Variants in NRG3 observed in about 807,000 individuals in gnomAD.
The protein encoded by NRG3 is neuregulin 3, also known as pro-neuregulin-3, membrane-bound isoform.
NRG3 carries 31 observed loss-of-function variants against 66.9 expected under a neutral mutation model. That is an observed-to-expected ratio of 0.46 (90% CI 0.35 to 0.63). The LOEUF (loss-of-function observed/expected upper bound fraction) is 0.63. Ranked by LOEUF, NRG3 falls within the 20% of genes least tolerant of loss-of-function variation. The pLI, the probability that NRG3 is intolerant of heterozygous loss-of-function variation, is 0.00. For missense variants in NRG3, 910 were observed against 878.9 expected, an observed-to-expected ratio of 1.04 and a Z score of -0.45; for synonymous variants, 393 against 359.4, an observed-to-expected ratio of 1.09 and a Z score of -1.06.
intron 1 of NRG3, among the ~76,000 whole-genome samples, chr10:82,107,656 C>T (rs1352430712): frequency 2.0e-5 from 3 of 152,190 alleles, no homozygotes; most frequent in Non-Finnish European, 2.9e-5. Context: ...AGAAAATAAA[C>T]TGTATGATCA....
At chr10:82,651,215 G>A (rs777469713) in intron 2 of NRG3, among the ~76,000 whole-genome samples, 1 of 152,300 alleles carries the variant, frequency 6.6e-6, no homozygotes, top group African/African-American at 2.4e-5. Context: ...AGTGGGAGTC[G>A]AGAACAGGAA....
chr10:82,311,540 C>G (rs1223768031), intron 1 of NRG3, among the ~76,000 whole-genome samples: 1 of 152,010 alleles, frequency 6.6e-6, no homozygotes, highest in Non-Finnish European at 1.5e-5. Context: ...AAATAAAAAA[C>G]CGAATAGCAA....
chr10:82,374,029 C>T (rs554143282), intron 2 of NRG3, among the ~76,000 whole-genome samples: 11 of 152,142 alleles, frequency 7.2e-5, no homozygotes, highest in Non-Finnish European at 1.6e-4. Context: ...TTCATCTGTG[C>T]TTCCGGAACC....
intron 2 of NRG3, among the ~76,000 whole-genome samples, chr10:82,518,777 T>C (rs1317638542): frequency 6.6e-6 from 1 of 152,122 alleles, no homozygotes. Flanking sequence ...ATTTGTTGGA[T>C]TGATCCTTGA....
chr10:82,065,979 A>G (rs935490022), intron 1 of NRG3, among the ~76,000 whole-genome samples: 7 of 152,170 alleles, frequency 4.6e-5, no homozygotes, highest in Non-Finnish European at 8.8e-5. Context: ...TTCCATTGCT[A>G]TCATCATTTT....
rs2061218024 is a variant in NRG3, at chr10:82,002,641, G to A, written c.823+126478G>A. Among the ~76,000 whole-genome samples the A allele has an allele frequency of 3.3e-5, 5 of 152,120 alleles. No homozygotes were observed. The South Asian group carries it at 1.0e-3, about 32-fold the overall frequency. ...TTCTGCTGTCTAGGTCCCATGCTTGGCGTAGTGTGGATAATAATGTTAAAT... is the reference window on the plus strand; with the variant it reads ...TTCTGCTGTCTAGGTCCCATGCTTGACGTAGTGTGGATAATAATGTTAAAT... On this transcript the variant is annotated intron_variant, in intron 1 of 8. Coordinates refer to ENST00000372141, the MANE Select transcript of NRG3 (RefSeq NM_001010848.4).
At chr10:82,802,306 A>G (rs2061075452) in intron 3 of NRG3, among the ~76,000 whole-genome samples, 1 of 152,118 alleles carries the variant, frequency 6.6e-6, no homozygotes, top group South Asian at 2.1e-4. Context: ...GTCAGGGGAG[A>G]GTGGATATTA....
rs1457713695 is a variant in NRG3 at position 82,191,384 on chromosome 10, A to T, written c.824-167355A>T. 2.0e-5 allele frequency among the ~76,000 whole-genome samples: 3 copies of T among 152,282 alleles called. No individual in the cohort carries two copies. In the South Asian group the frequency reaches 6.2e-4, roughly 32 times the overall value. ...CAGTGGTGCTTTCATGATAAGTCTA[A>T]GAATCCTTGGCCAATTATGTATAAA... On this transcript the variant is annotated intron_variant, in intron 1 of 8. Transcript: ENST00000372141.
chr10:82,800,192 C>A (rs1389291593), intron 3 of NRG3, among the ~76,000 whole-genome samples: 1 of 152,180 alleles, frequency 6.6e-6, no homozygotes, highest in Non-Finnish European at 1.5e-5. Context: ...ACTATATTTG[C>A]TAGCTATCTG....
chr10:81,996,645 T>G (rs2060950090), intron 1 of NRG3, among the ~76,000 whole-genome samples: 1 of 152,056 alleles, frequency 6.6e-6, no homozygotes, highest in Admixed American at 6.6e-5. Flanking sequence ...TGAATTCATA[T>G]GCTTACAGAG....
At chr10:82,221,410 C>T (rs1028251120) in intron 1 of NRG3, among the ~76,000 whole-genome samples, 1 of 152,144 alleles carries the variant, frequency 6.6e-6, no homozygotes, top group Non-Finnish European at 1.5e-5. Flanking sequence ...AGCCTTCCAG[C>T]CCCCCTCCAT....
intron 3 of NRG3, among the ~76,000 whole-genome samples, chr10:82,816,980 A>G (rs575937738): frequency 1.2e-4 from 18 of 152,370 alleles, no homozygotes; most frequent in African/African-American, 3.1e-4. Context: ...CCTCTACTAG[A>G]AAGTAACAAA....
At chr10:82,606,691 G>A (rs1170712179) in intron 2 of NRG3, among the ~76,000 whole-genome samples, 1 of 152,106 alleles carries the variant, frequency 6.6e-6, no homozygotes. Context: ...CCCTGCAGCT[G>A]CTGCATAACC....
At chr10:81,924,086 A>G (rs1423502641) in intron 1 of NRG3, among the ~76,000 whole-genome samples, 1 of 152,186 alleles carries the variant, frequency 6.6e-6, no homozygotes, top group Non-Finnish European at 1.5e-5. Flanking sequence ...TGGGATTAGT[A>G]GAGAGAAGTA....
chr10:82,190,224 A>G (rs925917879), intron 1 of NRG3, among the ~76,000 whole-genome samples: 3 of 152,108 alleles, frequency 2.0e-5, no homozygotes, highest in South Asian at 4.1e-4. Flanking sequence ...AGCTTATCAC[A>G]TTGCCTGTCA....
intron 2 of NRG3, among the ~76,000 whole-genome samples, chr10:82,731,853 A>G (rs1038270569): frequency 3.9e-5 from 6 of 152,172 alleles, no homozygotes; most frequent in Non-Finnish European, 8.8e-5. Flanking sequence ...TCACCATTCT[A>G]TGTTCCATAA....
intron 2 of NRG3, among the ~76,000 whole-genome samples, chr10:82,606,349 T>C (rs2047960631): frequency 6.6e-6 from 1 of 152,166 alleles, no homozygotes; most frequent in Non-Finnish European, 1.5e-5. Flanking sequence ...TTTACTGATT[T>C]TCAATTTAAT....
chr10:82,027,215 T>C (rs1026382541), intron 1 of NRG3, among the ~76,000 whole-genome samples: 2 of 152,088 alleles, frequency 1.3e-5, no homozygotes, highest in Non-Finnish European at 2.9e-5. Context: ...ACATTTTACA[T>C]AGGAATATGC....
At chr10:82,601,093 C>T (rs1188355568) in intron 2 of NRG3, among the ~76,000 whole-genome samples, 1 of 152,198 alleles carries the variant, frequency 6.6e-6, no homozygotes, top group Admixed American at 6.5e-5. Flanking sequence ...TAACCTTCAG[C>T]TGCATCCATG....
Sources: allele counts gnomAD v4.1 joint callset (sites outside exome capture counted in the v4.1 genomes callset), GRCh38; gene constraint gnomAD v4.1.1; transcripts MANE v1.5; gene names NCBI Gene and HGNC (gene_info 2026-07-23, HGNC 2026-07-21).